Variants in ANXA8 observed in about 807,000 individuals in gnomAD.
ANXA8 encodes the protein annexin A8.
ANXA8 carries 9 observed loss-of-function variants against 26.8 expected under a neutral mutation model. The observed-to-expected ratio is 0.34, with a 90% CI of 0.20 to 0.59. ANXA8 has a LOEUF of 0.59. Among genes scored for constraint, ANXA8 ranks in the 20% least tolerant of loss-of-function variants. The pLI is 0.84. For synonymous variants in ANXA8, 39 were observed against 94.8 expected, an observed-to-expected ratio of 0.41 and a Z score of 3.42; for missense variants, 83 against 238.5, an observed-to-expected ratio of 0.35 and a Z score of 4.29.
chr10:47,710,155 AT>A, the ANXA8 span: 1 of 759,860 alleles, frequency 1.3e-6, no homozygotes, highest in South Asian at 2.1e-5. Context: ...GTTCTAAAAA[AT>A]ATTATTTGTC....
At chr10:47,689,392 G>T in the ANXA8 span, among the ~76,000 whole-genome samples, 3 of 151,842 alleles carry the variant, frequency 2.0e-5, no homozygotes, top group African/African-American at 7.3e-5. Context: ...TAGGCAGGAT[G>T]GTCTCGATCT....
chr10:47,664,315 T>G, the ANXA8 span, among the ~76,000 whole-genome samples: 1 of 152,006 alleles, frequency 6.6e-6, no homozygotes, highest in Admixed American at 6.5e-5. Context: ...GAGGTGGAGG[T>G]TGCAGTGAGT....
At chr10:47,633,294 A>AAG in the ANXA8 span, among the ~76,000 whole-genome samples, 1 of 88,136 alleles carries the variant, frequency 1.1e-5, no homozygotes. Context: ...TCACGCACAC[A>AAG]TGTACGTTCA....
the ANXA8 span, among the ~76,000 whole-genome samples, chr10:47,686,409 A>G: frequency 1.3e-5 from 2 of 151,296 alleles, no homozygotes; most frequent in African/African-American, 4.9e-5. Flanking sequence ...ATGGGATTTT[A>G]CCATGTTGCC....
the ANXA8 span, among the ~76,000 whole-genome samples, chr10:47,970,810 T>G: frequency 6.6e-6 from 1 of 151,318 alleles, no homozygotes; most frequent in Non-Finnish European, 1.5e-5. Context: ...AAAACAGCCC[T>G]GGGAAGTATG....
chr10:47,975,757 C>T, the ANXA8 span, among the ~76,000 whole-genome samples: 354 of 150,056 alleles, frequency 2.4e-3, 7 homozygotes, highest in East Asian at 0.03. Flanking sequence ...AACACAGACA[C>T]GCCTCTAAAC....
the ANXA8 span, among the ~76,000 whole-genome samples, chr10:47,956,559 G>GT: frequency 1.3e-5 from 2 of 148,550 alleles, no homozygotes; most frequent in Non-Finnish European, 1.5e-5. Flanking sequence ...TCGCAACCAT[G>GT]TTTTATTTCC....
the ANXA8 span, chr10:47,969,906 T>C: frequency 0.32 from 48,779 of 150,658 alleles, 10,757 homozygotes; most frequent in Non-Finnish European, 0.47. Context: ...CTTCCAGAAA[T>C]GTGTTGGACT....
chr10:47,565,561 C>T, the ANXA8 span: 9 of 304,120 alleles, frequency 3.0e-5, no homozygotes, highest in African/African-American at 1.8e-4. Context: ...TGGGCCTGCC[C>T]TCGCCCTGCC....
At chr10:47,548,636 A>G in the ANXA8 span, among the ~76,000 whole-genome samples, 2 of 146,086 alleles carry the variant, frequency 1.4e-5, no homozygotes, top group African/African-American at 5.0e-5. Context: ...CTAATGTAAA[A>G]GATCATAGAA....
chr10:47,769,697 A>G, the ANXA8 span, among the ~76,000 whole-genome samples: 1 of 152,296 alleles, frequency 6.6e-6, no homozygotes, highest in South Asian at 2.1e-4. Flanking sequence ...ATCAGTTAAA[A>G]GTGCTGAGCC....
the ANXA8 span, among the ~76,000 whole-genome samples, chr10:47,658,263 G>A: frequency 6.6e-6 from 1 of 150,460 alleles, no homozygotes; most frequent in African/African-American, 2.5e-5. Flanking sequence ...AACTACTCGG[G>A]TAGTCCCAAC....
the ANXA8 span, among the ~76,000 whole-genome samples, chr10:47,763,760 G>A: frequency 8.2e-3 from 1,200 of 146,864 alleles, 12 homozygotes; most frequent in South Asian, 0.047. Flanking sequence ...AAAGGAATGT[G>A]TGTATCTGTG....
the ANXA8 span, among the ~76,000 whole-genome samples, chr10:47,918,383 G>GAGAGAGAAAGAA: frequency 4.8e-4 from 5 of 10,498 alleles, no homozygotes; most frequent in African/African-American, 2.5e-3. Context: ...GAGAGAGAGA[G>GAGAGAGAAAGAA]AGAAAGAAAG....
At chr10:47,530,243 G>C in the ANXA8 span, among the ~76,000 whole-genome samples, 1 of 142,126 alleles carries the variant, frequency 7.0e-6, no homozygotes, top group Non-Finnish European at 1.5e-5. Flanking sequence ...CAAGGTTTGA[G>C]TCTGAACTGC....
chr10:47,776,868 GT>G, the ANXA8 span, among the ~76,000 whole-genome samples: 3 of 151,054 alleles, frequency 2.0e-5, no homozygotes, highest in Admixed American at 6.6e-5. Context: ...GGGAGCCCAG[GT>G]TTTTTTTTCC....
chr10:47,605,774 T>A, the ANXA8 span, among the ~76,000 whole-genome samples: 1 of 149,340 alleles, frequency 6.7e-6, no homozygotes, highest in Non-Finnish European at 1.5e-5. Context: ...AGGAGATAGA[T>A]CAAAAGACAC....
At chr10:47,942,426 G>T in the ANXA8 span, among the ~76,000 whole-genome samples, 2 of 142,434 alleles carry the variant, frequency 1.4e-5, no homozygotes, top group Non-Finnish European at 3.0e-5. Flanking sequence ...GAGGTACAGG[G>T]TTTGGAGCAG....
chr10:47,766,041 C>A, the ANXA8 span, among the ~76,000 whole-genome samples: 10 of 150,402 alleles, frequency 6.6e-5, no homozygotes, highest in Non-Finnish European at 1.2e-4. Flanking sequence ...AGCTACCATG[C>A]CGAATATGGG....
Sources: gnomAD v4.1 joint callset for allele counts (sites outside exome capture counted in the v4.1 genomes callset) on GRCh38, gnomAD v4.1.1 for gene constraint, MANE v1.5 for transcripts, NCBI Gene and HGNC (gene_info 2026-07-23, HGNC 2026-07-21) for gene names.